ZCCHC7: variants seen among roughly 807,000 people sequenced by gnomAD.
ZCCHC7 encodes zinc finger CCHC domain-containing protein 7.
Under a neutral mutation model 52.0 loss-of-function variants are expected in ZCCHC7, and 35 were observed. That is an observed-to-expected ratio of 0.67 (90% CI 0.51 to 0.89). The LOEUF (loss-of-function observed/expected upper bound fraction) is 0.89. Ranked by LOEUF, ZCCHC7 falls within the 40% of genes least tolerant of loss-of-function variation. The pLI is 0.00. For synonymous variants in ZCCHC7, 217 were observed against 221.5 expected (o/e 0.98, Z 0.18); for missense variants, 574 against 649.1 (o/e 0.88, Z 1.26).
chr9:37,186,292 G>GT (rs1342166641), intron 2 of ZCCHC7, among the ~76,000 whole-genome samples: 2 of 152,078 alleles, frequency 1.3e-5, no homozygotes, highest in African/African-American at 2.4e-5. Context: ...CAAGAGAAAC[G>GT]TAAGAGGTTA....
intron 2 of ZCCHC7, among the ~76,000 whole-genome samples, chr9:37,202,241 G>T (rs1420671453): frequency 1.3e-5 from 2 of 152,092 alleles, no homozygotes; most frequent in African/African-American, 4.8e-5. Context: ...AGATAGATTG[G>T]GATAACATGC....
At chr9:37,346,228 C>A (rs1023638617) in intron 6 of ZCCHC7, among the ~76,000 whole-genome samples, 1 of 152,102 alleles carries the variant, frequency 6.6e-6, no homozygotes, top group African/African-American at 2.4e-5. Flanking sequence ...GTCTCAAACT[C>A]CTGACGTCAG....
chr9:37,235,927 A>G (rs1825630610), intron 2 of ZCCHC7, among the ~76,000 whole-genome samples: 1 of 151,826 alleles, frequency 6.6e-6, no homozygotes, highest in African/African-American at 2.4e-5. Context: ...TTCATTGTGT[A>G]TCTATATCAC....
intron 2 of ZCCHC7, among the ~76,000 whole-genome samples, chr9:37,170,049 G>GAT (rs1193047648): frequency 6.7e-6 from 1 of 149,858 alleles, no homozygotes; most frequent in Non-Finnish European, 1.5e-5. Context: ...TGCAAAGTGA[G>GAT]ATCCTATCTC....
At chr9:37,204,025 T>C (rs1487833846) in intron 2 of ZCCHC7, among the ~76,000 whole-genome samples, 1 of 152,220 alleles carries the variant, frequency 6.6e-6, no homozygotes, top group Non-Finnish European at 1.5e-5. Flanking sequence ...TGGTACCTCA[T>C]TGTGGTTTTG....
At chr9:37,345,311 T>C (rs1266576923) in intron 6 of ZCCHC7, among the ~76,000 whole-genome samples, 1 of 152,234 alleles carries the variant, frequency 6.6e-6, no homozygotes, top group African/African-American at 2.4e-5. Flanking sequence ...TCAAATAATA[T>C]AGCTGTCTTT....
chr9:37,351,457 C>T (rs1367845869), intron 7 of ZCCHC7, among the ~76,000 whole-genome samples: 1 of 152,082 alleles, frequency 6.6e-6, no homozygotes, highest in African/African-American at 2.4e-5. Context: ...AGGCACACAC[C>T]ACTGTGCCCA....
In ZCCHC7 at chr9:37,351,806, T is replaced by G. The variant is rs146181281; in HGVS notation, c.1083+2354T>G. 7.2e-5 allele frequency among the ~76,000 whole-genome samples: 11 copies of G among 152,344 alleles called. No individual in the cohort carries two copies. The East Asian group carries it at 2.1e-3, about 29-fold the overall frequency. ...CAGAGGGGTATAATTTTAGCATTTA[T>G]GTTTGTTCAATTAAAGAAAAACAAT... On this transcript the variant is annotated intron_variant, in intron 7 of 8. Coordinates refer to ENST00000336755, the MANE Select transcript of ZCCHC7 (RefSeq NM_032226.3).
intron 2 of ZCCHC7, among the ~76,000 whole-genome samples, chr9:37,209,331 C>G (rs1165529521): frequency 1.3e-5 from 2 of 152,118 alleles, no homozygotes; most frequent in African/African-American, 4.8e-5. Flanking sequence ...TGAGCCACCA[C>G]GCCTGGCCAT....
At chr9:37,182,265 G>C (rs1490546491) in intron 2 of ZCCHC7, among the ~76,000 whole-genome samples, 1 of 151,882 alleles carries the variant, frequency 6.6e-6, no homozygotes, top group Non-Finnish European at 1.5e-5. Flanking sequence ...AATTTTTGTT[G>C]ATAATACAGG....
At position 37,252,352 on chromosome 9, in the gene ZCCHC7, CT is replaced by C. The variant is rs1826369155; in HGVS notation, c.611-49835del. ...TATGAAATCTATCTTCAATTTTTGC[CT>C]AAGGCAAAAGTAAAAATATGCATCC... On this transcript the variant is annotated intron_variant, in intron 2 of 8. Coordinates refer to ENST00000336755, the MANE Select transcript of ZCCHC7 (RefSeq NM_032226.3). 2.6e-5 allele frequency among the ~76,000 whole-genome samples: 4 copies of C among 152,060 alleles called. No individual in the cohort carries two copies. The East Asian group carries it at 7.7e-4, about 29-fold the overall frequency.
chr9:37,176,054 TTTTGTTTG>T (rs144557198), intron 2 of ZCCHC7, among the ~76,000 whole-genome samples: 86 of 151,736 alleles, frequency 5.7e-4, no homozygotes, highest in Non-Finnish European at 8.1e-4. Flanking sequence ...CCTCATTTGT[TTTTGTTTG>T]TTTGTTTGTT....
chr9:37,155,080 G>A (rs1435571473), intron 2 of ZCCHC7, among the ~76,000 whole-genome samples: 1 of 152,178 alleles, frequency 6.6e-6, no homozygotes, highest in East Asian at 1.9e-4. Flanking sequence ...AAGATGGCGG[G>A]CGGGGTGTAG....
intron 2 of ZCCHC7, among the ~76,000 whole-genome samples, chr9:37,251,777 G>C (rs780417078): frequency 3.3e-5 from 5 of 152,142 alleles, no homozygotes; most frequent in Non-Finnish European, 5.9e-5. Context: ...GGGTAGCATC[G>C]TTACAGTTGA....
At chr9:37,198,702 C>A (rs1156292649) in intron 2 of ZCCHC7, among the ~76,000 whole-genome samples, 1 of 152,170 alleles carries the variant, frequency 6.6e-6, no homozygotes, top group African/African-American at 2.4e-5. Context: ...AGAGCTTGCT[C>A]CCTCAAACTT....
At chr9:37,188,114 A>G (rs909169932) in intron 2 of ZCCHC7, among the ~76,000 whole-genome samples, 1 of 152,042 alleles carries the variant, frequency 6.6e-6, no homozygotes, top group African/African-American at 2.4e-5. Context: ...CTTGATAACT[A>G]TTGTCCTGTA....
At chr9:37,330,728 T>C (rs620387) in intron 6 of ZCCHC7, among the ~76,000 whole-genome samples, 1 of 151,788 alleles carries the variant, frequency 6.6e-6, no homozygotes, top group South Asian at 2.1e-4. Flanking sequence ...CTTTTAATGT[T>C]CTTTTTCATC....
chr9:37,267,243 A>G (rs1258301731), intron 2 of ZCCHC7, among the ~76,000 whole-genome samples: 3 of 152,184 alleles, frequency 2.0e-5, no homozygotes. Flanking sequence ...GGTGAGATGA[A>G]TCTTCTTAGT....
intron 2 of ZCCHC7, among the ~76,000 whole-genome samples, chr9:37,196,402 A>T (rs1023550438): frequency 5.3e-5 from 8 of 152,206 alleles, no homozygotes; most frequent in Admixed American, 3.9e-4. Flanking sequence ...CCTTTGTCAC[A>T]GGTTGTTCAA....
Sources: allele counts gnomAD v4.1 joint callset (sites outside exome capture counted in the v4.1 genomes callset), GRCh38; gene constraint gnomAD v4.1.1; transcripts MANE v1.5; gene names NCBI Gene and HGNC (gene_info 2026-07-23, HGNC 2026-07-21).